Variants in LMBR1 observed in about 807,000 individuals in gnomAD.
LMBR1 encodes limb region 1 protein homolog.
In LMBR1, 52 loss-of-function variants were observed where a neutral mutation model predicts 73.9. The observed-to-expected ratio is 0.70, with a 90% CI of 0.56 to 0.89. The LOEUF is 0.89. Among genes scored for constraint, LMBR1 ranks in the 40% least tolerant of loss-of-function variants. LMBR1 has a pLI of 0.00. For missense variants in LMBR1, 539 were observed against 579.8 expected, an observed-to-expected ratio of 0.93 and a Z score of 0.72; for synonymous variants, 215 against 209.4, an observed-to-expected ratio of 1.03 and a Z score of -0.23.
intron 4 of LMBR1, among the ~76,000 whole-genome samples, chr7:156,811,307 A>G (rs910519151): frequency 1.3e-5 from 2 of 151,968 alleles, no homozygotes; most frequent in Admixed American, 6.6e-5. Flanking sequence ...AACATATGGA[A>G]TAGTTATAAG....
intron 5 of LMBR1, among the ~76,000 whole-genome samples, chr7:156,780,940 C>T (rs902736615): frequency 1.3e-5 from 2 of 152,136 alleles, no homozygotes; most frequent in Non-Finnish European, 2.9e-5. Flanking sequence ...AGAAACAAGA[C>T]AAACCTATGA....
At chr7:156,855,529 C>T (rs777924643) in intron 1 of LMBR1, among the ~76,000 whole-genome samples, 9 of 151,882 alleles carry the variant, frequency 5.9e-5, no homozygotes, top group Admixed American at 1.3e-4. Context: ...GCATAACATA[C>T]GTAACAGGAA....
chr7:156,816,563 T>C, intron 4 of LMBR1, among the ~76,000 whole-genome samples: 1 of 152,176 alleles, frequency 6.6e-6, no homozygotes, highest in East Asian at 1.9e-4. Flanking sequence ...CAACCAGCTT[T>C]TTTCAACCTA....
intron 15 of LMBR1, among the ~76,000 whole-genome samples, chr7:156,709,512 G>C (rs566742943): frequency 6.6e-6 from 1 of 152,176 alleles, no homozygotes; most frequent in Non-Finnish European, 1.5e-5. Flanking sequence ...TGGGAGACCC[G>C]AAGACAGACC....
At chr7:156,692,835 G>T (rs1807502665) in intron 15 of LMBR1, among the ~76,000 whole-genome samples, 1 of 152,176 alleles carries the variant, frequency 6.6e-6, no homozygotes, top group Non-Finnish European at 1.5e-5. Flanking sequence ...GTGACAGAAT[G>T]AGTAGCAAAG....
intron 5 of LMBR1, among the ~76,000 whole-genome samples, chr7:156,792,682 C>T (rs1383287203): frequency 1.3e-5 from 2 of 152,182 alleles, no homozygotes; most frequent in African/African-American, 4.8e-5. Flanking sequence ...TTTGAATTAA[C>T]ATAGTGGTTT....
chr7:156,733,237 C>T (rs1171568612), intron 10 of LMBR1, among the ~76,000 whole-genome samples: 1 of 152,104 alleles, frequency 6.6e-6, no homozygotes, highest in Non-Finnish European at 1.5e-5. Flanking sequence ...ATTCAAAATA[C>T]CTATTTTCTA....
intron 4 of LMBR1, among the ~76,000 whole-genome samples, chr7:156,826,245 G>C (rs1379631955): frequency 6.6e-6 from 1 of 152,178 alleles, no homozygotes; most frequent in African/African-American, 2.4e-5. Flanking sequence ...CTCTCAAAGT[G>C]CTGGGATTAC....
At chr7:156,773,862 T>C (rs1825651112) in intron 5 of LMBR1, among the ~76,000 whole-genome samples, 1 of 151,354 alleles carries the variant, frequency 6.6e-6, no homozygotes, top group Non-Finnish European at 1.5e-5. Flanking sequence ...GGGACCTAAT[T>C]AAACTAAACA....
At chr7:156,777,227 G>T (rs975350266) in intron 5 of LMBR1, among the ~76,000 whole-genome samples, 1 of 152,100 alleles carries the variant, frequency 6.6e-6, no homozygotes, top group Admixed American at 6.5e-5. Flanking sequence ...CAGTCACCAC[G>T]CCTGGCCTTT....
intron 3 of LMBR1, among the ~76,000 whole-genome samples, chr7:156,829,794 C>CCTAT (rs1836348393): frequency 6.6e-6 from 1 of 152,148 alleles, no homozygotes; most frequent in Non-Finnish European, 1.5e-5. Flanking sequence ...CAATTATTCT[C>CCTAT]CTATCTGTCA....
intron 15 of LMBR1, among the ~76,000 whole-genome samples, chr7:156,702,715 A>C (rs933226259): frequency 2.4e-4 from 36 of 152,230 alleles, no homozygotes; most frequent in African/African-American, 8.4e-4. Flanking sequence ...AAAGAAAACT[A>C]AACATACTCT....
Position 156,808,768 on chromosome 7 carries a change from C to T in LMBR1, c.320-12276G>A, listed in dbSNP as rs73741542. Among the ~76,000 whole-genome samples the T allele has an allele frequency of 4.8e-3, 733 of 152,198 alleles. 8 individuals are homozygous for T. The highest frequency in any genetic ancestry group is 0.017 in the African/African-American group (688 of 41,548). ...GGTTTGTCTTCAGGTTTATCATATA[C>T]GCCTTTAACTCATCACAATCTGCCT... On this transcript the variant is annotated intron_variant, in intron 4 of 16. Transcript: ENST00000353442.
chr7:156,757,935 A>C (rs1352460685), intron 8 of LMBR1, among the ~76,000 whole-genome samples: 1 of 152,218 alleles, frequency 6.6e-6, no homozygotes, highest in East Asian at 1.9e-4. Flanking sequence ...GGTGAGAAAA[A>C]ACAAATACTA....
chr7:156,685,533 T>G lies in LMBR1; in HGVS notation c.1388-1370A>C, dbSNP rs1805824032. ...GACAGCATGTCACTGTCCTGAGTGC[T>G]GCAGCCACTGCGGCACCATGGCACA... On this transcript the variant is annotated intron_variant, in intron 16 of 16. Coordinates refer to ENST00000353442, the MANE Select transcript of LMBR1 (RefSeq NM_022458.4). This position sits in a 1 kb window ranked among gnomAD's most constrained non-coding sequence, Gnocchi z 4.1. Among the ~76,000 whole-genome samples the G allele has an allele frequency of 6.6e-6, 1 of 152,256 alleles. No homozygotes were observed. The highest frequency in any genetic ancestry group is 6.5e-5 in the Admixed American group (1 of 15,286).
At position 156,688,011 on chromosome 7, in the gene LMBR1, C is replaced by G; in HGVS notation, c.1387+19G>C. 6.5e-7 allele frequency: 1 copy of G among 1,543,356 alleles called. No individual in the cohort carries two copies. Among genetic ancestry groups the G allele is most frequent in the South Asian group, 1.3e-5 (1 of 79,226 alleles). ...ATTTAGTAGAAAGAGGAAAAAATACCCATAAACCTCAGGATTACCTAGGGC... is the reference window on the plus strand; with the variant it reads ...ATTTAGTAGAAAGAGGAAAAAATACGCATAAACCTCAGGATTACCTAGGGC... On this transcript the variant is annotated intron_variant, in intron 16 of 16. Coordinates refer to ENST00000353442, the MANE Select transcript of LMBR1 (RefSeq NM_022458.4).
chr7:156,693,268 GAACA>G (rs67759881), intron 15 of LMBR1, among the ~76,000 whole-genome samples: 31,033 of 151,668 alleles, frequency 0.2, 3,390 homozygotes, highest in Middle Eastern at 0.36. Context: ...AATCAGAAAA[GAACA>G]AACTAAACCC....
At chr7:156,836,763 A>G in intron 2 of LMBR1, 50 bp downstream of exon 2, 1 of 1,196,780 alleles carries the variant, frequency 8.4e-7, no homozygotes, top group Non-Finnish European at 1.2e-6. Flanking sequence ...TACCATGCCT[A>G]GACCATGTGG....
chr7:156,844,735 T>C (rs1162224184), intron 1 of LMBR1, among the ~76,000 whole-genome samples: 3 of 151,524 alleles, frequency 2.0e-5, no homozygotes, highest in Non-Finnish European at 4.4e-5. Context: ...CACAGCAAAA[T>C]ACCCACTGGG....
Sources: gnomAD v4.1 joint callset for allele counts (sites outside exome capture counted in the v4.1 genomes callset) on GRCh38, gnomAD v4.1.1 for gene constraint, Gnocchi (gnomAD v3.1) non-coding constraint, MANE v1.5 for transcripts, NCBI Gene and HGNC (gene_info 2026-07-23, HGNC 2026-07-21) for gene names.